Variants in TAB2 observed in about 807,000 individuals in gnomAD.
TAB2 encodes the protein TGF-beta-activated kinase 1 and MAP3K7-binding protein 2.
In TAB2, 3 loss-of-function variants were observed where a neutral mutation model predicts 65.0. That is an observed-to-expected ratio of 0.05 (90% CI 0.02 to 0.12). The LOEUF is 0.12. Among genes scored for constraint, TAB2 ranks in the 10% least tolerant of loss-of-function variants. The pLI, the probability that TAB2 is intolerant of heterozygous loss-of-function variation, is 1.00. For missense variants in TAB2, 623 were observed against 840.3 expected, an observed-to-expected ratio of 0.74 and a Z score of 3.20; for synonymous variants, 298 against 285.1, an observed-to-expected ratio of 1.05 and a Z score of -0.46.
chr6:149,275,286 A>AAGAAAGATAGAT (rs1554255843), intron 1 of TAB2, among the ~76,000 whole-genome samples: 1 of 146,624 alleles, frequency 6.8e-6, no homozygotes, highest in African/African-American at 2.5e-5. Flanking sequence ...GAAAGAAAGA[A>AAGAAAGATAGAT]AGAAAGAAAG....
At chr6:149,283,434 G>A (rs998857781) in intron 1 of TAB2, among the ~76,000 whole-genome samples, 16 of 152,154 alleles carry the variant, frequency 1.1e-4, no homozygotes, top group African/African-American at 3.4e-4. Flanking sequence ...GAAGGGCCAG[G>A]CATGGTGACT....
chr6:149,319,817 A>G (rs1324811608), intron 1 of TAB2, among the ~76,000 whole-genome samples: 1 of 152,182 alleles, frequency 6.6e-6, no homozygotes, highest in African/African-American at 2.4e-5. Flanking sequence ...TATTCTCTTA[A>G]GGACACTGAT....
Position 149,403,287 on chromosome 6 carries a change from CACACACACATATAT to C in TAB2, c.1939+4105_1939+4118del, listed in dbSNP as rs1224932083. 1.4e-4 allele frequency among the ~76,000 whole-genome samples: 4 copies of C among 29,016 alleles called. 1 individual carries two copies. The highest frequency in any genetic ancestry group is 7.3e-4 in the Admixed American group (2 of 2,726). 19.0% of individuals were successfully genotyped at this position (29,016 alleles called of 152,430 possible). A position where few individuals can be genotyped will look rare whatever the true frequency, so the allele number is the denominator to read the frequency against. ...ATATATATATATATATATATATACA[CACACACACATATAT>C]ATATATATATATACACACACATATA... On this transcript the variant is annotated intron_variant, in intron 6 of 6. Transcript: ENST00000637181.
chr6:149,297,028 T>C (rs1303775155), intron 1 of TAB2, among the ~76,000 whole-genome samples: 1 of 152,136 alleles, frequency 6.6e-6, no homozygotes, highest in Admixed American at 6.6e-5. Context: ...TGGTAAAATT[T>C]CCACAGTTAC....
At chr6:149,290,453 T>C (rs1778755833) in intron 1 of TAB2, among the ~76,000 whole-genome samples, 2 of 152,224 alleles carry the variant, frequency 1.3e-5, no homozygotes, top group African/African-American at 4.8e-5. Context: ...TTAATTATAT[T>C]TCCTGCCCCA....
intron 6 of TAB2, among the ~76,000 whole-genome samples, chr6:149,405,920 T>G (rs1782650028): frequency 6.6e-6 from 1 of 152,146 alleles, no homozygotes. Flanking sequence ...GGTGGGGAGA[T>G]AAGCTATGTG....
In TAB2 at chr6:149,357,323, G is replaced by A. The variant is rs148176413; in HGVS notation, c.-89-12586G>A. ...CCCAACTGCTCAGGAGGCTGAGGCA[G>A]GAGAATCACTTGAACCCAGGAGGCG... On this transcript the variant is annotated intron_variant, in intron 1 of 6. Coordinates refer to ENST00000637181, the MANE Select transcript of TAB2 (RefSeq NM_001292034.3). Among the ~76,000 whole-genome samples, 1,022 of 151,638 alleles carry A rather than the reference G, an allele frequency of 6.7e-3. 9 individuals are homozygous for A. The highest frequency in any genetic ancestry group is 0.024 in the African/African-American group (972 of 41,320).
Position 149,239,348 on chromosome 6 carries a change from T to G in TAB2, c.-121+20572T>G, listed in dbSNP as rs1777555127. Among the ~76,000 whole-genome samples, 3 of 151,002 alleles carry G rather than the reference T, an allele frequency of 2.0e-5. No individual in the cohort carries two copies. The South Asian group carries it at 6.3e-4, about 32-fold the overall frequency. On this transcript the variant is annotated intron_variant, in intron 1 of 1. Transcript: ENST00000606202. ...AGATTATGTGGTGAGGTCACCTGAG[T>G]CAGGAACAGAGCCAGGAAGCAGAGG...
At chr6:149,259,648 T>C (rs77971479) in intron 1 of TAB2, among the ~76,000 whole-genome samples, 2,079 of 152,296 alleles carry the variant, frequency 0.014, 45 homozygotes, top group African/African-American at 0.048. Flanking sequence ...AGACATCCTG[T>C]CTTATAGATG....
chr6:149,373,895 A>G (rs1240860998), intron 2 of TAB2, among the ~76,000 whole-genome samples: 1 of 152,218 alleles, frequency 6.6e-6, no homozygotes, highest in Non-Finnish European at 1.5e-5. Context: ...ATCTTGTCAT[A>G]TCAGAAAGCA....
chr6:149,235,825 GAGA>G (rs1777484666), intron 1 of TAB2, among the ~76,000 whole-genome samples: 2 of 152,222 alleles, frequency 1.3e-5, no homozygotes, highest in East Asian at 1.9e-4. Flanking sequence ...CCAGGGAAAT[GAGA>G]AGAAGAGTCT....
At chr6:149,301,653 C>T (rs533068219) in intron 1 of TAB2, among the ~76,000 whole-genome samples, 19 of 152,312 alleles carry the variant, frequency 1.2e-4, no homozygotes, top group African/African-American at 4.1e-4. Context: ...TTGTTTCATA[C>T]TACAAGAACT....
chr6:149,319,507 G>A (rs1480764938), intron 1 of TAB2, among the ~76,000 whole-genome samples: 1 of 152,092 alleles, frequency 6.6e-6, no homozygotes, highest in Non-Finnish European at 1.5e-5. Context: ...GCTAAATTAG[G>A]GTACAGTTAG....
intron 2 of TAB2, among the ~76,000 whole-genome samples, chr6:149,376,943 G>A (rs1177754413): frequency 1.3e-5 from 2 of 151,070 alleles, no homozygotes; most frequent in African/African-American, 2.4e-5. Flanking sequence ...AGAGATAGGA[G>A]CTAGTTCTTC....
intron 1 of TAB2, among the ~76,000 whole-genome samples, chr6:149,231,886 C>T (rs1477061900): frequency 1.3e-5 from 2 of 152,158 alleles, no homozygotes; most frequent in Non-Finnish European, 2.9e-5. Context: ...GAGGAGTGAA[C>T]AGCTGGCTTT....
chr6:149,278,139 T>C (rs1778511229), intron 1 of TAB2, among the ~76,000 whole-genome samples: 1 of 152,218 alleles, frequency 6.6e-6, no homozygotes. Context: ...AAATCTCATA[T>C]TTACAATTCT....
chr6:149,389,027 C>G (rs1405598279), intron 3 of TAB2, among the ~76,000 whole-genome samples: 1 of 147,766 alleles, frequency 6.8e-6, no homozygotes, highest in African/African-American at 2.5e-5. Context: ...GCAGTCTCGG[C>G]TCACTGCAAC....
intron 1 of TAB2, among the ~76,000 whole-genome samples, chr6:149,248,455 A>AG (rs1777782503): frequency 5.0e-4 from 28 of 56,460 alleles, no homozygotes; most frequent in Admixed American, 1.5e-3. Context: ...AAGGAAGAAA[A>AG]GAAGGAAGGA....
intron 4 of TAB2, 35 bp downstream of exon 4, chr6:149,397,799 G>A: frequency 5.0e-6 from 8 of 1,609,428 alleles, no homozygotes; most frequent in Non-Finnish European, 6.8e-6. Context: ...ATCTCTGCTT[G>A]AACATGAGAG....
Sources: gnomAD v4.1 joint callset for allele counts (sites outside exome capture counted in the v4.1 genomes callset) on GRCh38, gnomAD v4.1.1 for gene constraint, MANE v1.5 for transcripts, NCBI Gene and HGNC (gene_info 2026-07-23, HGNC 2026-07-21) for gene names.